SNX29: variants seen among roughly 807,000 people sequenced by gnomAD.
The protein encoded by SNX29 is sorting nexin 29, also known as sorting nexin-29.
In SNX29, 78 loss-of-function variants were observed where a neutral mutation model predicts 102.1. That is an observed-to-expected ratio of 0.76 (90% CI 0.64 to 0.92). The LOEUF (loss-of-function observed/expected upper bound fraction) is 0.92. Among genes scored for constraint, SNX29 ranks in the 40% least tolerant of loss-of-function variants. SNX29 has a pLI of 0.00. For missense variants in SNX29, 1,280 were observed against 1,061.7 expected (o/e 1.21, Z -2.86); for synonymous variants, 580 against 414.5 (o/e 1.40, Z -4.85).
chr16:12,106,057 G>T (rs908079211), intron 11 of SNX29, among the ~76,000 whole-genome samples: 2 of 152,120 alleles, frequency 1.3e-5, no homozygotes, highest in Admixed American at 6.5e-5. Context: ...TCTAAGTAAC[G>T]CGAGGGAGGA....
chr16:12,508,398 A>G (rs2089468646), intron 19 of SNX29, among the ~76,000 whole-genome samples: 1 of 152,210 alleles, frequency 6.6e-6, no homozygotes, highest in South Asian at 2.1e-4. Context: ...GGCCGCAACA[A>G]GCTTGCAGAC....
chr16:12,124,556 G>C (rs2054123672), intron 11 of SNX29, among the ~76,000 whole-genome samples: 1 of 152,126 alleles, frequency 6.6e-6, no homozygotes, highest in South Asian at 2.1e-4. Context: ...ATATATGTTT[G>C]TTCAGATACT....
intron 10 of SNX29, among the ~76,000 whole-genome samples, chr16:12,077,872 C>T (rs147397389): frequency 0.025 from 3,859 of 152,178 alleles, 55 homozygotes; most frequent in Middle Eastern, 0.071. Context: ...CCACCCGCCT[C>T]GGCCTCCCAA....
chr16:12,047,610 T>C (rs1454069611), intron 6 of SNX29, among the ~76,000 whole-genome samples: 2 of 151,364 alleles, frequency 1.3e-5, no homozygotes, highest in African/African-American at 4.9e-5. Context: ...ACAGATAAGG[T>C]GACTGGAGTA....
At chr16:12,255,593 T>C (rs1219663952) in intron 14 of SNX29, among the ~76,000 whole-genome samples, 1 of 144,064 alleles carries the variant, frequency 6.9e-6, no homozygotes, top group East Asian at 1.9e-4. Context: ...TCTGCTTCTA[T>C]GCTCATAAGA....
At chr16:12,402,680 G>A (rs2083992946) in intron 17 of SNX29, among the ~76,000 whole-genome samples, 1 of 152,192 alleles carries the variant, frequency 6.6e-6, no homozygotes, top group Non-Finnish European at 1.5e-5. Flanking sequence ...GCCTCACCTG[G>A]CCCACGCGAG....
rs1171178693 is a variant in SNX29 at position 12,573,387 on chromosome 16, ATAGC to A, written c.*4762_*4765del. The A allele has an allele frequency of 8.5e-5, 19 of 223,842 alleles. No homozygotes were observed. Among genetic ancestry groups the A allele is most frequent in the Non-Finnish European group, 1.5e-4 (17 of 112,310 alleles). 13.9% of individuals were successfully genotyped at this position (223,842 alleles called of 1,614,324 possible). On this transcript the variant is annotated 3_prime_UTR_variant, in exon 21 of 21. Coordinates refer to ENST00000566228, the MANE Select transcript of SNX29 (RefSeq NM_032167.5). Reference sequence around the variant, plus strand: ...GCAACCAAGTTGCGTATCCTTCCTTATAGCTAGTTTCTATAGAGAAGTGAAAAAG... The same window carrying A: ...GCAACCAAGTTGCGTATCCTTCCTTATAGTTTCTATAGAGAAGTGAAAAAG...
chr16:12,340,589 TGACCA>T (rs2081582856), intron 15 of SNX29, among the ~76,000 whole-genome samples: 1 of 152,116 alleles, frequency 6.6e-6, no homozygotes, highest in Admixed American at 6.5e-5. Context: ...TGGAGCAGAG[TGACCA>T]CTTGGGGGCA....
chr16:12,129,617 C>T lies in SNX29; in HGVS notation c.1467-13C>T, dbSNP rs369330884. The T allele has an allele frequency of 6.9e-6, 11 of 1,602,466 alleles. 1 individual carries two copies. Among genetic ancestry groups the T allele is most frequent in the Non-Finnish European group, 9.4e-6 (11 of 1,174,098 alleles). ...TTGACAGCTTCTGAACAGATGGGTC[C>T]CTCTCTTCCCAGATCACTGCGAAAC... On this transcript the variant is annotated splice_polypyrimidine_tract_variant and intron_variant, in intron 12 of 20. Transcript: ENST00000566228.
At chr16:12,539,865 C>T (rs77762371) in intron 20 of SNX29, among the ~76,000 whole-genome samples, 1 of 152,158 alleles carries the variant, frequency 6.6e-6, no homozygotes, top group Non-Finnish European at 1.5e-5. Context: ...AAGTATTTTG[C>T]CTGTTCTTAG....
chr16:12,008,425 A>G (rs992585062), intron 3 of SNX29, among the ~76,000 whole-genome samples: 1 of 151,646 alleles, frequency 6.6e-6, no homozygotes, highest in African/African-American at 2.4e-5. Context: ...GTGTACCACC[A>G]TGCCTGGCTA....
At chr16:12,549,546 C>T (rs1292198195) in intron 20 of SNX29, among the ~76,000 whole-genome samples, 2 of 101,390 alleles carry the variant, frequency 2.0e-5, no homozygotes, top group Admixed American at 1.0e-4. Context: ...GCCAGTAAGG[C>T]ATGGAGTGGG....
rs2079127551 is a variant in SNX29 at position 12,569,044 on chromosome 16, G to C, written c.*415G>C. On this transcript the variant is annotated 3_prime_UTR_variant, in exon 21 of 21. Transcript: ENST00000566228. The stretch of plus-strand genomic sequence containing the variant: ...CAGCCTCTCCACTCTTTCCCACGTG[G>C]GGACTAGAATGACTATTAGCCTCTC... 4.4e-6 allele frequency: 1 copy of C among 225,116 alleles called. No homozygotes were observed. Among genetic ancestry groups the C allele is most frequent in the South Asian group, 1.8e-4 (1 of 5,674 alleles). 13.9% of individuals were successfully genotyped at this position (225,116 alleles called of 1,614,324 possible).
chr16:12,394,560 C>A (rs747322383), intron 16 of SNX29, among the ~76,000 whole-genome samples: 3 of 152,156 alleles, frequency 2.0e-5, no homozygotes, highest in Non-Finnish European at 2.9e-5. Context: ...CTGGGTGGTT[C>A]TTTTACGTCA....
intron 20 of SNX29, chr16:12,560,996 T>C (rs372299345): frequency 4.7e-6 from 1 of 214,378 alleles, no homozygotes; most frequent in Non-Finnish European, 9.4e-6. Context: ...GCCAGAGCCA[T>C]TTCTGGATCA....
In SNX29 at chr16:12,119,175, C is replaced by T. The variant is rs12325229; in HGVS notation, c.1403-7458C>T. 8.1e-3 allele frequency among the ~76,000 whole-genome samples: 1,239 copies of T among 152,262 alleles called. 17 individuals carry two copies. Among genetic ancestry groups the T allele is most frequent in the African/African-American group, 0.028 (1,181 of 41,548 alleles). ...CTCAGGACTGGTGGCAGCCATGTCC[C>T]CGCATAGACAGTGGATTGGAGGCAG... is the stretch of plus-strand genomic sequence containing the variant. On this transcript the variant is annotated intron_variant, in intron 11 of 20. Transcript: ENST00000566228.
chr16:12,145,605 A>T (rs941717431), intron 13 of SNX29, among the ~76,000 whole-genome samples: 9 of 152,244 alleles, frequency 5.9e-5, no homozygotes, highest in Non-Finnish European at 7.3e-5. Context: ...ACCATCAATG[A>T]ATTTATTATT....
chr16:12,537,251 G>A (rs1397361098), intron 20 of SNX29, among the ~76,000 whole-genome samples: 2 of 152,166 alleles, frequency 1.3e-5, no homozygotes, highest in Non-Finnish European at 2.9e-5. Flanking sequence ...CCAAAATAAT[G>A]TACCTTCTTT....
intron 19 of SNX29, among the ~76,000 whole-genome samples, chr16:12,519,897 A>G (rs2090029207): frequency 6.6e-6 from 1 of 152,142 alleles, no homozygotes; most frequent in South Asian, 2.1e-4. Flanking sequence ...AGTCCCAGCT[A>G]CTTGGGAGGC....
Sources: gnomAD v4.1 joint callset for allele counts (sites outside exome capture counted in the v4.1 genomes callset) on GRCh38, gnomAD v4.1.1 for gene constraint, MANE v1.5 for transcripts, NCBI Gene and HGNC (gene_info 2026-07-23, HGNC 2026-07-21) for gene names.